CPEB1: variants seen among roughly 807,000 people sequenced by gnomAD.
CPEB1 encodes cytoplasmic polyadenylation element binding protein 1.
CPEB1 carries 7 observed loss-of-function variants against 65.8 expected under a neutral mutation model. That is an observed-to-expected ratio of 0.11 (90% CI 0.06 to 0.20). The LOEUF is 0.20. Ranked by LOEUF, CPEB1 falls within the 10% of genes least tolerant of loss-of-function variation. The pLI, the probability that CPEB1 is intolerant of heterozygous loss-of-function variation, is 1.00. For synonymous variants in CPEB1, 262 were observed against 260.0 expected (o/e 1.01, Z -0.08); for missense variants, 551 against 712.2 (o/e 0.77, Z 2.58).
chr15:82,613,758 C>G (rs557515774), intron 3 of CPEB1, among the ~76,000 whole-genome samples: 1 of 152,122 alleles, frequency 6.6e-6, no homozygotes, highest in African/African-American at 2.4e-5. Context: ...AGGAGAAATG[C>G]TAAGAAGTTC....
At chr15:82,647,940 G>T, upstream of CPEB1, 6 of 1,182,430 alleles carry the variant, frequency 5.1e-6, no homozygotes, top group Non-Finnish European at 6.4e-6. Flanking sequence ...GCGCACGCAC[G>T]TGGGCACTAT....
intron 3 of CPEB1, among the ~76,000 whole-genome samples, chr15:82,616,621 C>T (rs1596112353): frequency 1.3e-5 from 2 of 150,310 alleles, no homozygotes; most frequent in East Asian, 2.0e-4. Flanking sequence ...CAGCTCACTG[C>T]AGCCTCCACC....
intron 1 of CPEB1, chr15:82,637,976 A>T (rs966728991): frequency 2.2e-6 from 1 of 453,944 alleles, no homozygotes; most frequent in African/African-American, 2.0e-5. Flanking sequence ...GACAAAAAAA[A>T]TTTATGGAGT....
chr15:82,623,662 C>T (rs934514146), intron 3 of CPEB1, among the ~76,000 whole-genome samples: 6 of 152,036 alleles, frequency 3.9e-5, no homozygotes, highest in African/African-American at 1.2e-4. Context: ...GACAACAGAG[C>T]GGGACTCCGT....
rs1322846322 is a variant in CPEB1, at chr15:82,544,352, T to G, written c.*240A>C. Reference sequence around the variant, plus strand: ...AATCTGGGAAAACTACAGAGTCGCTTGGAGGGTAAGCCAGAGGGTCCTTGC... The same window carrying G: ...AATCTGGGAAAACTACAGAGTCGCTGGGAGGGTAAGCCAGAGGGTCCTTGC... On this transcript the variant is annotated 3_prime_UTR_variant, in exon 13 of 13. Coordinates refer to ENST00000684509, the MANE Select transcript of CPEB1 (RefSeq NM_001365242.1). 1 of 375,794 alleles carries G rather than the reference T, an allele frequency of 2.7e-6. No individual in the cohort carries two copies. Among genetic ancestry groups the G allele is most frequent in the East Asian group, 4.2e-5 (1 of 23,744 alleles). 23.3% of individuals were successfully genotyped at this position (375,794 alleles called of 1,614,324 possible).
chr15:82,619,825 G>T (rs984417194), intron 3 of CPEB1, among the ~76,000 whole-genome samples: 2 of 152,104 alleles, frequency 1.3e-5, no homozygotes, highest in African/African-American at 4.8e-5. Flanking sequence ...TACACCACTG[G>T]AAGTGTAAAC....
chr15:82,555,187 A>G (rs2036978423), intron 6 of CPEB1, among the ~76,000 whole-genome samples: 1 of 152,268 alleles, frequency 6.6e-6, no homozygotes, highest in African/African-American at 2.4e-5. Flanking sequence ...TTATTTTTTA[A>G]ACCTTTTAAA....
At chr15:82,545,282 T>C (rs1253022131) in intron 12 of CPEB1, among the ~76,000 whole-genome samples, 1 of 152,172 alleles carries the variant, frequency 6.6e-6, no homozygotes, top group East Asian at 1.9e-4. Context: ...AGAGAGATAC[T>C]TGGTCTCAGG....
intron 1 of CPEB1, chr15:82,638,025 T>G (rs774168425): frequency 2.2e-5 from 10 of 447,528 alleles, no homozygotes; most frequent in African/African-American, 4.0e-5. Flanking sequence ...GTATCTGGTT[T>G]AATATAAGAT....
chr15:82,552,388 G>T, intron 9 of CPEB1, 92 bp downstream of exon 9: 1 of 1,273,834 alleles, frequency 7.9e-7, no homozygotes, highest in Non-Finnish European at 1.1e-6. Context: ...AATACTCCTT[G>T]CCTGCAGCCT....
intron 3 of CPEB1, among the ~76,000 whole-genome samples, chr15:82,601,140 A>G (rs987275945): frequency 1.3e-5 from 2 of 150,904 alleles, no homozygotes; most frequent in African/African-American, 4.9e-5. Context: ...TCCTGGCCTC[A>G]GGTGATCCGC....
At chr15:82,574,553 A>G (rs944650775) in intron 3 of CPEB1, among the ~76,000 whole-genome samples, 1 of 151,874 alleles carries the variant, frequency 6.6e-6, no homozygotes, top group African/African-American at 2.4e-5. Context: ...ACCTGTCTCT[A>G]CTAAAAATAC....
intron 1 of CPEB1, chr15:82,630,108 T>A (rs2046115572): frequency 1.0e-6 from 1 of 985,262 alleles, no homozygotes; most frequent in Admixed American, 6.2e-5. Context: ...ATGCAAAGAT[T>A]TATAACCTGC....
chr15:82,595,019 T>C (rs969536230), intron 3 of CPEB1, among the ~76,000 whole-genome samples: 9 of 152,158 alleles, frequency 5.9e-5, no homozygotes, highest in East Asian at 3.8e-4. Context: ...GTTGGAAATA[T>C]TGGAAGAATT....
intron 1 of CPEB1, chr15:82,633,333 C>T (rs754169652): frequency 6.6e-6 from 1 of 152,170 alleles, no homozygotes; most frequent in Non-Finnish European, 1.5e-5. Context: ...ACCTATCTAC[C>T]TATTGTTAGA....
chr15:82,631,587 C>A (rs1007687088), intron 1 of CPEB1, among the ~76,000 whole-genome samples: 2 of 152,066 alleles, frequency 1.3e-5, no homozygotes, highest in African/African-American at 2.4e-5. Flanking sequence ...GCTGAACCAA[C>A]GAATACTGTC....
intron 3 of CPEB1, among the ~76,000 whole-genome samples, chr15:82,626,826 T>A (rs934574943): frequency 1.3e-5 from 2 of 152,184 alleles, no homozygotes; most frequent in African/African-American, 4.8e-5. Flanking sequence ...TGTTGTCATA[T>A]TATAATATAT....
rs542621620 is a variant in CPEB1, at chr15:82,641,154, G to C, written c.-98+5983C>G. ...GATGTCAGAGATTATATCTGGCTTT[G>C]GTGTCAACTCCAAGTTATATGTAGG... On this transcript the variant is annotated intron_variant, in intron 1 of 12. Transcript: ENST00000684509. 1.4e-4 allele frequency among the ~76,000 whole-genome samples: 22 copies of C among 152,186 alleles called. No individual in the cohort carries two copies. In the East Asian group the frequency reaches 3.9e-3, roughly 27 times the overall value.
chr15:82,560,400 G>GTTTTTTTT (rs548856094), intron 4 of CPEB1, among the ~76,000 whole-genome samples: 1 of 134,378 alleles, frequency 7.4e-6, no homozygotes, highest in Non-Finnish European at 1.6e-5. Context: ...ATTGTCATTT[G>GTTTTTTTT]TTTTTTTTTT....
Sources: allele counts gnomAD v4.1 joint callset (sites outside exome capture counted in the v4.1 genomes callset), GRCh38; gene constraint gnomAD v4.1.1; transcripts MANE v1.5; gene names NCBI Gene and HGNC (gene_info 2026-07-23, HGNC 2026-07-21).